Variants in TRHDE observed in about 807,000 individuals in gnomAD.
TRHDE encodes thyrotropin-releasing hormone-degrading ectoenzyme.
A neutral mutation model predicts 125.7 loss-of-function variants in TRHDE; 72 were observed. That is an observed-to-expected ratio of 0.57 (90% confidence interval 0.47 to 0.70). The LOEUF is 0.70. Ranked by LOEUF, TRHDE falls within the 30% of genes least tolerant of loss-of-function variation. The pLI, the probability that TRHDE is intolerant of heterozygous loss-of-function variation, is 0.00. For synonymous variants in TRHDE, 509 were observed against 509.1 expected (o/e 1.00, Z 0.00); for missense variants, 1,110 against 1,327.1 (o/e 0.84, Z 2.54).
intron 3 of TRHDE, among the ~76,000 whole-genome samples, chr12:72,402,837 T>C (rs1251485231): frequency 6.6e-6 from 1 of 152,186 alleles, no homozygotes; most frequent in African/African-American, 2.4e-5. Flanking sequence ...AAGTAGTCCA[T>C]GTTGGAGAGA....
intron 10 of TRHDE, among the ~76,000 whole-genome samples, chr12:72,572,363 T>C (rs1419801342): frequency 6.6e-6 from 1 of 152,166 alleles, no homozygotes; most frequent in African/African-American, 2.4e-5. Context: ...TTGTGCCATT[T>C]TGGATACATT....
chr12:72,099,013 A>C (rs1034783958), intron 1 of TRHDE, among the ~76,000 whole-genome samples: 16 of 152,032 alleles, frequency 1.1e-4, no homozygotes, highest in African/African-American at 3.6e-4. Flanking sequence ...AAAACTACAA[A>C]AATTTGCCGG....
Position 72,125,129 on chromosome 12 carries a change from ATTTTC to A in TRHDE, n.279+19380_279+19384del, listed in dbSNP as rs1009466293. On this transcript the variant is annotated intron_variant and non_coding_transcript_variant, in intron 2 of 4. Transcript: ENST00000548156. ...AAAAAATAAAATTGACTTGTAATTT[ATTTTC>A]TTGTGCTTTTTTTTAAGCATTGGTA... is the stretch of plus-strand genomic sequence containing the variant. Among the ~76,000 whole-genome samples, 22 of 152,024 alleles carry A rather than the reference ATTTTC, an allele frequency of 1.4e-4. No individual in the cohort carries two copies. The South Asian group carries it at 4.6e-3, about 32-fold the overall frequency.
chr12:72,326,059 T>C (rs1346781027), intron 2 of TRHDE, among the ~76,000 whole-genome samples: 1 of 152,184 alleles, frequency 6.6e-6, no homozygotes, highest in African/African-American at 2.4e-5. Context: ...ACAACTCCAA[T>C]ATTTGGAGGG....
At chr12:72,371,620 CTA>C (rs939780649) in intron 2 of TRHDE, among the ~76,000 whole-genome samples, 36 of 151,680 alleles carry the variant, frequency 2.4e-4, no homozygotes, top group African/African-American at 8.7e-4. Flanking sequence ...CAGTTCCCAT[CTA>C]TGAGTGAGAA....
intron 2 of TRHDE, among the ~76,000 whole-genome samples, chr12:72,149,740 A>G (rs1435280206): frequency 6.6e-6 from 1 of 152,150 alleles, no homozygotes; most frequent in Non-Finnish European, 1.5e-5. Context: ...TTTGGTAAAT[A>G]TCTTATCCAA....
intron 12 of TRHDE, among the ~76,000 whole-genome samples, chr12:72,616,654 A>C (rs1203504614): frequency 6.6e-6 from 1 of 152,190 alleles, no homozygotes; most frequent in Non-Finnish European, 1.5e-5. Flanking sequence ...TATAATTGAC[A>C]TAAAGCTATC....
intron 2 of TRHDE, among the ~76,000 whole-genome samples, chr12:72,223,658 G>A (rs1319218570): frequency 6.6e-6 from 1 of 152,022 alleles, no homozygotes; most frequent in Non-Finnish European, 1.5e-5. Context: ...AGTATATTCA[G>A]CAATATAAAC....
At chr12:72,093,405 A>C (rs1433153551) in intron 1 of TRHDE, among the ~76,000 whole-genome samples, 1 of 152,092 alleles carries the variant, frequency 6.6e-6, no homozygotes, top group Non-Finnish European at 1.5e-5. Flanking sequence ...TATTTATTTA[A>C]ATAAGCTTTC....
At chr12:72,512,611 A>C (rs1048437753) in intron 6 of TRHDE, among the ~76,000 whole-genome samples, 1 of 142,172 alleles carries the variant, frequency 7.0e-6, no homozygotes, top group Non-Finnish European at 1.5e-5. Flanking sequence ...ATATATAATT[A>C]TATATAATCA....
chr12:72,177,084 T>C (rs1877004613), intron 2 of TRHDE, among the ~76,000 whole-genome samples: 1 of 152,096 alleles, frequency 6.6e-6, no homozygotes, highest in Admixed American at 6.6e-5. Context: ...TCTTTATTTC[T>C]AGGTCTTAAA....
At chr12:72,651,509 G>A (rs1874504811) in intron 15 of TRHDE, among the ~76,000 whole-genome samples, 1 of 151,736 alleles carries the variant, frequency 6.6e-6, no homozygotes, top group Non-Finnish European at 1.5e-5. Flanking sequence ...TTGAAAAAAA[G>A]CAAAATTAAA....
chr12:72,273,736 G>T lies in TRHDE; in HGVS notation c.914+179G>T, dbSNP rs911360980. The T allele has an allele frequency of 3.9e-5, 23 of 584,902 alleles. No homozygotes were observed. Among genetic ancestry groups the T allele is most frequent in the Admixed American group, 1.8e-4 (6 of 33,540 alleles). 36.2% of individuals were successfully genotyped at this position (584,902 alleles called of 1,614,324 possible). A position where few individuals can be genotyped will look rare whatever the true frequency, so the allele number is the denominator to read the frequency against. On this transcript the variant is annotated intron_variant, in intron 1 of 18. Transcript: ENST00000261180. This position sits in a 1 kb window ranked among gnomAD's most constrained non-coding sequence, Gnocchi z 5.3. ...TCCGGGGTCTCCCAGATGCCTCGGG[G>T]TCTCGCTGCCGCCAACTTCGCAAAC...
chr12:72,433,205 T>C (rs1488158939), intron 3 of TRHDE, among the ~76,000 whole-genome samples: 2 of 152,170 alleles, frequency 1.3e-5, no homozygotes, highest in African/African-American at 4.8e-5. Flanking sequence ...TTTGCTAGCA[T>C]GTTGATGATG....
At position 72,313,378 on chromosome 12, in the gene TRHDE, C is replaced by T. The variant is rs190323521; in HGVS notation, c.1188+26424C>T. On this transcript the variant is annotated intron_variant, in intron 2 of 18. Transcript: ENST00000261180. Reference sequence around the variant, plus strand: ...GGCCTTCTATTTAAATTAAAACATTCGAAAATATTTTTAATACTTCTTAAA... The same window carrying T: ...GGCCTTCTATTTAAATTAAAACATTTGAAAATATTTTTAATACTTCTTAAA... Among the ~76,000 whole-genome samples, 111 of 151,836 alleles carry T rather than the reference C, an allele frequency of 7.3e-4. No individual in the cohort carries two copies. The Middle Eastern group carries it at 0.01, about 14-fold the overall frequency.
chr12:72,272,622 GGGAGGA>G lies in TRHDE; in HGVS notation c.-13_-8del. On this transcript the variant is annotated 5_prime_UTR_variant, in exon 1 of 19. Transcript: ENST00000261180. The surrounding 1 kb of genome is among the most constrained non-coding windows in gnomAD (Gnocchi z 6.7). ...CCGCGGGGGGTGCCAGAGGGGGCGG[GGGAGGA>G]GGAGGAGGCGGTGTGATGGCCCTGG... The G allele has an allele frequency of 2.2e-6, 2 of 905,336 alleles. No homozygotes were observed. The highest frequency in any genetic ancestry group is 1.9e-5 in the South Asian group (1 of 52,238). 56.1% of individuals were successfully genotyped at this position (905,336 alleles called of 1,614,324 possible). A position where few individuals can be genotyped will look rare whatever the true frequency, so the allele number is the denominator to read the frequency against.
At chr12:72,498,613 G>C (rs902745459) in intron 5 of TRHDE, among the ~76,000 whole-genome samples, 8 of 152,058 alleles carry the variant, frequency 5.3e-5, no homozygotes, top group African/African-American at 1.9e-4. Context: ...AAGACTACTA[G>C]CTGCCAGCAT....
In TRHDE at chr12:72,150,644, C is replaced by T. The variant is rs199632374; in HGVS notation, n.279+44892C>T. Among the ~76,000 whole-genome samples the T allele has an allele frequency of 1.8e-4, 26 of 148,420 alleles. No individual in the cohort carries two copies. The East Asian group carries it at 2.6e-3, about 15-fold the overall frequency. On this transcript the variant is annotated intron_variant and non_coding_transcript_variant, in intron 2 of 4. Transcript: ENST00000548156. ...ATTCCCACCTATGAATGAGAACATG[C>T]GGTGTTTGGTTTTTTGTCCTTGCAA...
intron 5 of TRHDE, among the ~76,000 whole-genome samples, chr12:72,494,204 T>C (rs1191293713): frequency 6.6e-6 from 1 of 152,064 alleles, no homozygotes; most frequent in Admixed American, 6.6e-5. Context: ...GAATGGCAGA[T>C]ATCCAGTCTG....
Sources: allele counts gnomAD v4.1 joint callset (sites outside exome capture counted in the v4.1 genomes callset), GRCh38; gene constraint gnomAD v4.1.1; non-coding constraint Gnocchi (gnomAD v3.1); transcripts MANE v1.5; gene names NCBI Gene and HGNC (gene_info 2026-07-23, HGNC 2026-07-21).